The following DAB1 variants were observed in gnomAD, a reference collection of about 807,000 sequenced individuals.
The protein encoded by DAB1 is DAB adaptor protein 1.
DAB1 carries 15 observed loss-of-function variants against 64.6 expected under a neutral mutation model. The observed-to-expected ratio is 0.23, with a 90% confidence interval of 0.16 to 0.36. The LOEUF (loss-of-function observed/expected upper bound fraction) is 0.36. Among genes scored for constraint, DAB1 ranks in the 10% least tolerant of loss-of-function variants. The pLI is 1.00. For missense variants in DAB1, 596 were observed against 706.7 expected (o/e 0.84, Z 1.78); for synonymous variants, 235 against 251.9 (o/e 0.93, Z 0.64).
At chr1:58,524,627 G>A (rs544302520) in intron 2 of DAB1, among the ~76,000 whole-genome samples, 3 of 152,140 alleles carry the variant, frequency 2.0e-5, no homozygotes, top group East Asian at 1.9e-4. Context: ...TTTTTTCAAC[G>A]GTCCTTATTC....
upstream of DAB1, chr1:57,424,165 C>G (rs1273306503): frequency 2.0e-5 from 3 of 148,950 alleles, no homozygotes; most frequent in Non-Finnish European, 4.5e-5. Context: ...GCCCCCCGCG[C>G]CCGCCCGGCG....
chr1:57,057,762 C>T lies in DAB1; in HGVS notation c.723+5122G>A, dbSNP rs980848004. Among the ~76,000 whole-genome samples the T allele has an allele frequency of 1.1e-4, 15 of 133,486 alleles. No homozygotes were observed. In the East Asian group the frequency reaches 3.1e-3, roughly 28 times the overall value. 87.6% of individuals were successfully genotyped at this position (133,486 alleles called of 152,430 possible). A position where few individuals can be genotyped will look rare whatever the true frequency, so the allele number is the denominator to read the frequency against. On this transcript the variant is annotated intron_variant, in intron 9 of 14. Coordinates refer to ENST00000371236, the MANE Select transcript of DAB1 (RefSeq NM_001365792.1). The stretch of plus-strand genomic sequence containing the variant: ...AGCTGGGACTACAGGTGCCTGCCAC[C>T]ATGCCTGGCTAATTTTTTTGTATTT...
At chr1:57,010,065 T>A (rs1286106756) in intron 14 of DAB1, among the ~76,000 whole-genome samples, 1 of 152,190 alleles carries the variant, frequency 6.6e-6, no homozygotes, top group Non-Finnish European at 1.5e-5. Context: ...TGATCTTACA[T>A]CTCGATCAAT....
At chr1:57,869,606 A>C (rs1183311387) in intron 1 of DAB1, among the ~76,000 whole-genome samples, 1 of 152,110 alleles carries the variant, frequency 6.6e-6, no homozygotes, top group Admixed American at 6.6e-5. Flanking sequence ...AGTCAAAGTC[A>C]CGTGCCAGCT....
In DAB1 at chr1:58,322,857, T is replaced by G. The variant is rs547178017; in HGVS notation, n.309+20495A>C. Among the ~76,000 whole-genome samples, 203 of 152,272 alleles carry G rather than the reference T, an allele frequency of 1.3e-3. 1 individual carries two copies. Among genetic ancestry groups the G allele is most frequent in the Non-Finnish European group, 2.4e-3 (160 of 68,032 alleles). ...AACCAACCCAAATGTCCATCAATGATAGACTGGATTAAGAAAATGTGGCAC... is the reference window on the plus strand; with the variant it reads ...AACCAACCCAAATGTCCATCAATGAGAGACTGGATTAAGAAAATGTGGCAC... On this transcript the variant is annotated intron_variant and non_coding_transcript_variant, in intron 4 of 20. Coordinates refer to the DAB1 transcript ENST00000485760.
At chr1:57,907,628 G>A (rs1644572898) in intron 5 of DAB1, among the ~76,000 whole-genome samples, 1 of 152,084 alleles carries the variant, frequency 6.6e-6, no homozygotes. Flanking sequence ...CTGAAGCTAA[G>A]AGAAGTTAAT....
intron 6 of DAB1, among the ~76,000 whole-genome samples, chr1:57,719,905 G>C (rs1385074223): frequency 6.6e-6 from 1 of 152,190 alleles, no homozygotes; most frequent in Non-Finnish European, 1.5e-5. Context: ...CCATATATCT[G>C]AAAGTATGCT....
chr1:57,771,653 C>T (rs558497058), intron 6 of DAB1, among the ~76,000 whole-genome samples: 25 of 152,168 alleles, frequency 1.6e-4, no homozygotes, highest in Non-Finnish European at 2.9e-4. Context: ...TTGGCAAATT[C>T]GTACACCTGT....
intron 7 of DAB1, among the ~76,000 whole-genome samples, chr1:57,451,864 A>T (rs755203322): frequency 2.0e-5 from 3 of 152,008 alleles, no homozygotes; most frequent in African/African-American, 7.2e-5. Flanking sequence ...TTGGCATCTC[A>T]TCATGTGCTG....
intron 7 of DAB1, among the ~76,000 whole-genome samples, chr1:57,633,444 A>G (rs1307563286): frequency 6.6e-6 from 1 of 152,192 alleles, no homozygotes; most frequent in African/African-American, 2.4e-5. Flanking sequence ...CATTGGCCCA[A>G]TGTGTGGTGG....
chr1:58,036,786 G>C (rs1228333097), intron 5 of DAB1, among the ~76,000 whole-genome samples: 1 of 152,098 alleles, frequency 6.6e-6, no homozygotes, highest in Non-Finnish European at 1.5e-5. Context: ...AGACCCTGTA[G>C]GGAGGTTACA....
At chr1:58,336,076 C>T (rs1156588420) in intron 4 of DAB1, among the ~76,000 whole-genome samples, 2 of 152,168 alleles carry the variant, frequency 1.3e-5, no homozygotes, top group East Asian at 3.8e-4. Context: ...AAGAAGAGAT[C>T]CAAGGTTCAC....
chr1:58,164,486 T>C (rs777570941), intron 4 of DAB1, among the ~76,000 whole-genome samples: 1 of 152,216 alleles, frequency 6.6e-6, no homozygotes, highest in Non-Finnish European at 1.5e-5. Context: ...AGGCATTTAA[T>C]GCAAAGGCTT....
intron 5 of DAB1, among the ~76,000 whole-genome samples, chr1:58,086,650 T>C (rs1362408680): frequency 6.6e-6 from 1 of 151,894 alleles, no homozygotes. Context: ...ATCTCTACCC[T>C]ACTGCCTCAG....
intron 4 of DAB1, among the ~76,000 whole-genome samples, chr1:57,133,132 T>A (rs993359676): frequency 6.6e-6 from 1 of 152,214 alleles, no homozygotes; most frequent in African/African-American, 2.4e-5. Flanking sequence ...TCTAAGTAAG[T>A]GTTGGCTCAT....
chr1:57,558,358 CACA>C (rs988651610), intron 7 of DAB1, among the ~76,000 whole-genome samples: 4 of 152,140 alleles, frequency 2.6e-5, no homozygotes, highest in Non-Finnish European at 5.9e-5. Flanking sequence ...AGGAGCCACC[CACA>C]ACATCCCTGT....
chr1:58,042,315 TA>T (rs1647148844), intron 5 of DAB1, among the ~76,000 whole-genome samples: 1 of 152,238 alleles, frequency 6.6e-6, no homozygotes, highest in East Asian at 1.9e-4. Flanking sequence ...TAAAACTGTT[TA>T]TTTTTACTTC....
intron 2 of DAB1, among the ~76,000 whole-genome samples, chr1:57,288,297 T>TA (rs1672494620): frequency 6.6e-6 from 1 of 152,072 alleles, no homozygotes; most frequent in Admixed American, 6.6e-5. Flanking sequence ...ATGATGATGA[T>TA]ACAGATGAAG....
chr1:58,081,893 C>T lies in DAB1; in HGVS notation n.387+68618G>A, dbSNP rs1361775104. The stretch of plus-strand genomic sequence containing the variant: ...GTAGTGTTTCTGCTGAGGTCAGATG[C>T]TTGCATTTCCTAGCTAATACTGTCA... On this transcript the variant is annotated intron_variant and non_coding_transcript_variant, in intron 5 of 20. Coordinates refer to the DAB1 transcript ENST00000485760. Among the ~76,000 whole-genome samples, 3 of 152,126 alleles carry T rather than the reference C, an allele frequency of 2.0e-5. No individual in the cohort carries two copies. The East Asian group carries it at 5.8e-4, about 29-fold the overall frequency.
Sources: gnomAD v4.1 joint callset for allele counts (sites outside exome capture counted in the v4.1 genomes callset) on GRCh38, gnomAD v4.1.1 for gene constraint, MANE v1.5 for transcripts, NCBI Gene and HGNC (gene_info 2026-07-23, HGNC 2026-07-21) for gene names.